MPPED2: variants seen among roughly 807,000 people sequenced by gnomAD.
MPPED2 encodes metallophosphoesterase MPPED2.
In MPPED2, 5 loss-of-function variants were observed where a neutral mutation model predicts 33.0. That is an observed-to-expected ratio of 0.15 (90% CI 0.08 to 0.32). MPPED2 has a LOEUF of 0.32. MPPED2 is among the 10% of genes least tolerant of loss of function. The pLI is 1.00. For missense variants in MPPED2, 275 were observed against 372.1 expected, an observed-to-expected ratio of 0.74 and a Z score of 2.15; for synonymous variants, 136 against 141.9, an observed-to-expected ratio of 0.96 and a Z score of 0.29.
chr11:30,480,504 A>T (rs1056302861), intron 4 of MPPED2, among the ~76,000 whole-genome samples: 1 of 152,136 alleles, frequency 6.6e-6, no homozygotes, highest in Non-Finnish European at 1.5e-5. Flanking sequence ...TACAAGACAT[A>T]ATACACTCTT....
At chr11:30,384,175 A>G (rs989608809), downstream of MPPED2, among the ~76,000 whole-genome samples, 5 of 152,180 alleles carry the variant, frequency 3.3e-5, no homozygotes, top group Admixed American at 6.5e-5. Flanking sequence ...CACTCCCAAT[A>G]CACAGAGACA....
chr11:30,526,183 A>T (rs183087298), intron 3 of MPPED2, among the ~76,000 whole-genome samples: 90 of 152,354 alleles, frequency 5.9e-4, no homozygotes, highest in Non-Finnish European at 5.9e-5. Context: ...TGTTACTTGT[A>T]TTAAGCAAAT....
At chr11:30,462,637 C>T (rs1459346862) in intron 4 of MPPED2, among the ~76,000 whole-genome samples, 7 of 152,202 alleles carry the variant, frequency 4.6e-5, no homozygotes, top group Admixed American at 4.6e-4. Flanking sequence ...TGGACTGGAT[C>T]TCCAAGAGAA....
At chr11:30,580,052 G>C (rs1249473326) in intron 2 of MPPED2, among the ~76,000 whole-genome samples, 194 bp downstream of exon 2, 3 of 152,156 alleles carry the variant, frequency 2.0e-5, no homozygotes, top group Admixed American at 2.0e-4. Flanking sequence ...GGTTGAAAGT[G>C]CTCTGAAAAT....
intron 3 of MPPED2, among the ~76,000 whole-genome samples, chr11:30,503,012 T>A (rs1309093774): frequency 6.6e-6 from 1 of 152,218 alleles, no homozygotes; most frequent in East Asian, 1.9e-4. Context: ...CTGCCTGTGA[T>A]ATGGTTTGGC....
chr11:30,523,912 C>T (rs1246726856), intron 3 of MPPED2, among the ~76,000 whole-genome samples: 1 of 152,046 alleles, frequency 6.6e-6, no homozygotes, highest in Non-Finnish European at 1.5e-5. Flanking sequence ...TACAAAAGTT[C>T]GAGGTGGGAA....
chr11:30,475,172 A>G (rs1951125899), intron 4 of MPPED2, among the ~76,000 whole-genome samples: 1 of 152,174 alleles, frequency 6.6e-6, no homozygotes, highest in South Asian at 2.1e-4. Flanking sequence ...AAATTTATCT[A>G]TCTTCCTTCC....
intron 2 of MPPED2, among the ~76,000 whole-genome samples, chr11:30,571,173 T>G (rs544875551): frequency 6.6e-6 from 1 of 151,600 alleles, no homozygotes; most frequent in South Asian, 2.1e-4. Context: ...TTTTTTAAAC[T>G]AGTTTCAACA....
At chr11:30,423,546 C>G (rs968355642) in intron 4 of MPPED2, among the ~76,000 whole-genome samples, 2 of 152,286 alleles carry the variant, frequency 1.3e-5, no homozygotes, top group Admixed American at 6.5e-5. Flanking sequence ...CACCTGCAGG[C>G]TCTTTAAAAG....
In MPPED2 at chr11:30,411,585, A is replaced by G. The variant is rs758751556; in HGVS notation, c.768T>C (p.Gly256=). Residue 256 remains glycine, a splice_region_variant and synonymous_variant, in exon 7 of 7, where the codon GGT becomes GGC. Coordinates refer to ENST00000358117, the MANE Select transcript of MPPED2 (RefSeq NM_001584.3). ...TGTAACCGTCGGTCATGATGCCATAACCTGTGGGGAGAGCGTGTCACATTT... is the reference window on the plus strand; with the variant it reads ...TGTAACCGTCGGTCATGATGCCATAGCCTGTGGGGAGAGCGTGTCACATTT... ...KLHVFGGIHE[G]YGIMTDGYTT... 3.7e-6 allele frequency: 6 copies of G among 1,611,040 alleles called. No homozygotes were observed. The highest frequency in any genetic ancestry group is 5.1e-6 in the Non-Finnish European group (6 of 1,177,944).
intron 3 of MPPED2, among the ~76,000 whole-genome samples, chr11:30,500,845 C>A (rs74329606): frequency 1.3e-5 from 2 of 152,088 alleles, no homozygotes; most frequent in African/African-American, 2.4e-5. Context: ...AGTGAAGGAA[C>A]GAATGAACCT....
chr11:30,498,813 G>A (rs1272830037), intron 3 of MPPED2, among the ~76,000 whole-genome samples: 4 of 152,102 alleles, frequency 2.6e-5, no homozygotes, highest in Non-Finnish European at 5.9e-5. Context: ...GAAAATTACT[G>A]AGCAAATAGT....
At chr11:30,425,183 G>A (rs151035726) in intron 4 of MPPED2, among the ~76,000 whole-genome samples, 3 of 152,154 alleles carry the variant, frequency 2.0e-5, no homozygotes, top group African/African-American at 7.2e-5. Flanking sequence ...AGCCCCATGA[G>A]CTACTCATGG....
intron 3 of MPPED2, among the ~76,000 whole-genome samples, chr11:30,509,468 A>T (rs1462633868): frequency 6.6e-6 from 1 of 152,138 alleles, no homozygotes; most frequent in East Asian, 1.9e-4. Flanking sequence ...AGGTGCCTGT[A>T]TTTCTTCATT....
chr11:30,486,726 T>C (rs1452624514), intron 4 of MPPED2, among the ~76,000 whole-genome samples: 1 of 152,204 alleles, frequency 6.6e-6, no homozygotes, highest in Non-Finnish European at 1.5e-5. Flanking sequence ...TATTGAACGA[T>C]GCTCACCTGA....
chr11:30,418,476 A>G (rs1430340770), intron 4 of MPPED2, among the ~76,000 whole-genome samples: 8 of 152,196 alleles, frequency 5.3e-5, no homozygotes, highest in Non-Finnish European at 8.8e-5. Context: ...AGACTGATCA[A>G]TTTCTCTCTG....
At chr11:30,532,884 T>A (rs1352369461) in intron 3 of MPPED2, among the ~76,000 whole-genome samples, 3 of 152,214 alleles carry the variant, frequency 2.0e-5, no homozygotes, top group Non-Finnish European at 4.4e-5. Context: ...GATCATCATC[T>A]CTGAACCAAC....
At chr11:30,504,843 A>T (rs908429023) in intron 3 of MPPED2, 32 of 1,253,038 alleles carry the variant, frequency 2.6e-5, no homozygotes, top group Admixed American at 9.2e-5. Context: ...TCTAAGAAAT[A>T]TTAAACACAG....
intron 3 of MPPED2, among the ~76,000 whole-genome samples, chr11:30,517,993 A>G (rs1953629870): frequency 1.3e-5 from 2 of 151,640 alleles, no homozygotes; most frequent in African/African-American, 4.8e-5. Context: ...TGAACAACAA[A>G]TTCACACTAT....
Sources: allele counts gnomAD v4.1 joint callset (sites outside exome capture counted in the v4.1 genomes callset), GRCh38; gene constraint gnomAD v4.1.1; transcripts MANE v1.5; gene names NCBI Gene and HGNC (gene_info 2026-07-23, HGNC 2026-07-21).